Variants in GUF1 observed in about 807,000 individuals in gnomAD.
The protein encoded by GUF1 is translation factor GUF1, mitochondrial.
A neutral mutation model predicts 82.4 loss-of-function variants in GUF1; 78 were observed. The ratio of observed to expected loss-of-function variants is 0.95; its 90% confidence interval spans 0.79 to 1.14. The LOEUF is 1.14. Ranked by LOEUF, GUF1 falls within the 50% of genes most tolerant of loss-of-function variation. The pLI is 0.00. For synonymous variants in GUF1, 279 were observed against 282.3 expected (o/e 0.99, Z 0.12); for missense variants, 814 against 798.2 (o/e 1.02, Z -0.24).
At chr4:44,688,341 G>A (rs1237067374) in intron 9 of GUF1, among the ~76,000 whole-genome samples, 195 bp downstream of exon 9, 1 of 151,880 alleles carries the variant, frequency 6.6e-6, no homozygotes, top group African/African-American at 2.4e-5. Context: ...AGATCATTTA[G>A]GATGTGTTAA....
intron 9 of GUF1, 63 bp downstream of exon 9, chr4:44,688,209 AGTGGTT>A: frequency 6.7e-7 from 1 of 1,502,354 alleles, no homozygotes; most frequent in Non-Finnish European, 9.0e-7. Flanking sequence ...AGTCTGTCTC[AGTGGTT>A]AAGGAAAAAA....
chr4:44,697,425 A>G lies in GUF1; in HGVS notation c.1853A>G (p.Lys618Arg). The G allele has an allele frequency of 6.4e-7, 1 of 1,563,468 alleles. No homozygotes were observed. Among genetic ancestry groups the G allele is most frequent in the South Asian group, 1.1e-5 (1 of 87,006 alleles). The change falls in exon 16 of 17, where the codon AAA becomes AGA. Residue 618 changes from lysine to arginine, a missense_variant. Coordinates refer to ENST00000281543, the MANE Select transcript of GUF1 (RefSeq NM_021927.3). ...IARETVKAYR[K>R]NVLAKCYGGD... is the part of the protein sequence containing the mutation. ...TTTTACAGTGTGAAAGCCTATAGGA[A>G]AAACGTTTTGGCAAAATGTGTATGT...
chr4:44,686,663 A>G lies in GUF1; in HGVS notation c.888A>G (p.Glu296=). ...IVSAHTQKTY[E]VNEVGVLNPN... Reference sequence around the variant, plus strand: ...CTGCACATACTCAAAAGACATACGAAGTTAATGAAGTAGGAGTCTTGAATC... The same window carrying G: ...CTGCACATACTCAAAAGACATACGAGGTTAATGAAGTAGGAGTCTTGAATC... The change falls in exon 8 of 17, where the codon GAA becomes GAG. Residue 296 remains glutamate (E), a synonymous_variant. Coordinates refer to ENST00000281543, the MANE Select transcript of GUF1 (RefSeq NM_021927.3). 1 of 1,611,810 alleles carries G rather than the reference A, an allele frequency of 6.2e-7. No individual in the cohort carries two copies. The highest frequency in any genetic ancestry group is 8.5e-7 in the Non-Finnish European group (1 of 1,178,294).
Position 44,690,834 on chromosome 4 carries a change from A to C in GUF1, c.1453A>C (p.Thr485Pro). The C allele has an allele frequency of 6.3e-7, 1 of 1,594,906 alleles. No homozygotes were observed. Among genetic ancestry groups the C allele is most frequent in the Non-Finnish European group, 8.5e-7 (1 of 1,169,654 alleles). ...CACTATTATCACACCAGATGAATAC[A>C]CTGGAAAAATAATGATGCTTTGCGA... ...LGTIITPDEY[T>P]GKIMMLCEAR... Residue 485 changes from threonine to proline, a missense_variant, in exon 12 of 17, where the codon ACT becomes CCT. Physicochemically the swap from Thr to Pro is conservative, Grantham distance 38 (BLOSUM62 -1). Transcript: ENST00000281543.
At chr4:44,678,870 C>T (rs931011425) in intron 1 of GUF1, 83 bp downstream of exon 1, 2 of 1,352,036 alleles carry the variant, frequency 1.5e-6, no homozygotes, top group Non-Finnish European at 9.9e-7. Context: ...ATAGGGCTTT[C>T]TGGGACTAGC....
chr4:44,682,519 T>C, intron 5 of GUF1, 108 bp downstream of exon 5: 2 of 544,150 alleles, frequency 3.7e-6, no homozygotes, highest in Non-Finnish European at 6.4e-6. Context: ...AGCTATTTAT[T>C]AAATATATTG....
At position 44,682,426 on chromosome 4, in the gene GUF1, A is replaced by T. The variant is rs763946192; in HGVS notation, c.585+15A>T. ...TTATAAATAAGGTAATTACAATGAGACAACAGTGTTGCTATTTCACTTTCT... is the reference window on the plus strand; with the variant it reads ...TTATAAATAAGGTAATTACAATGAGTCAACAGTGTTGCTATTTCACTTTCT... On this transcript the variant is annotated intron_variant, in intron 5 of 16. Coordinates refer to ENST00000281543, the MANE Select transcript of GUF1 (RefSeq NM_021927.3). 1 of 1,399,708 alleles carries T rather than the reference A, an allele frequency of 7.1e-7. No individual in the cohort carries two copies. Among genetic ancestry groups the T allele is most frequent in the South Asian group, 1.4e-5 (1 of 70,244 alleles). 86.7% of individuals were successfully genotyped at this position (1,399,708 alleles called of 1,614,324 possible).
At chr4:44,696,378 T>G (rs1424985922) in intron 15 of GUF1, among the ~76,000 whole-genome samples, 1 of 152,128 alleles carries the variant, frequency 6.6e-6, no homozygotes, top group Non-Finnish European at 1.5e-5. Flanking sequence ...GCAGGAGTAT[T>G]GCTGTGAGAC....
chr4:44,691,551 C>A, intron 12 of GUF1, 115 bp from the exon 13 acceptor site: 1 of 722,564 alleles, frequency 1.4e-6, no homozygotes, highest in South Asian at 1.8e-5. Context: ...TAAAATGTTT[C>A]TCTCTGGATT....
rs1715856664 is a variant in GUF1, at chr4:44,696,836, T to TAA, written c.1836-571_1836-570dup. ...TCATTCTAAAATAAGTGTGTTGAGA[T>TAA]AATACCTTAAAAAATTGGTTTTTCT... On this transcript the variant is annotated intron_variant, in intron 15 of 16. Transcript: ENST00000281543. 7.9e-5 allele frequency among the ~76,000 whole-genome samples: 12 copies of TAA among 152,314 alleles called. No homozygotes were observed. In the South Asian group the frequency reaches 2.3e-3, roughly 29 times the overall value.
chr4:44,682,378 A>G lies in GUF1; in HGVS notation c.552A>G (p.Glu184=). The G allele has an allele frequency of 6.5e-7, 1 of 1,539,678 alleles. No homozygotes were observed. Among genetic ancestry groups the G allele is most frequent in the Middle Eastern group, 1.7e-4 (1 of 5,814 alleles). The change falls in exon 5 of 17, where the codon GAA becomes GAG. Residue 184 remains glutamate (E), a synonymous_variant. Transcript: ENST00000281543. ...QTVANFFLAF[E]AQLSVIPVIN... is the part of the protein sequence containing the mutation. ...TAGCAAACTTCTTTCTTGCCTTCGA[A>G]GCACAGCTATCGGTAATTCCAGTTA...
rs975035525 is a variant in GUF1 at position 44,699,165 on chromosome 4, A to G, written c.*484A>G. The G allele has an allele frequency of 1.3e-5, 2 of 152,278 alleles. No individual in the cohort carries two copies. Among genetic ancestry groups the G allele is most frequent in the African/African-American group, 4.8e-5 (2 of 41,432 alleles). 9.4% of individuals were successfully genotyped at this position (152,278 alleles called of 1,614,324 possible). On this transcript the variant is annotated 3_prime_UTR_variant, in exon 17 of 17. Coordinates refer to ENST00000281543, the MANE Select transcript of GUF1 (RefSeq NM_021927.3). ...AAGTGGTTTGTAACATCGATGAGGAAAAAAAATTGGTTTATGCGTCATTTC... is the reference window on the plus strand; with the variant it reads ...AAGTGGTTTGTAACATCGATGAGGAGAAAAAATTGGTTTATGCGTCATTTC...
At position 44,698,997 on chromosome 4, in the gene GUF1, T is replaced by C. The variant is rs1716039334; in HGVS notation, c.*316T>C. 1 of 209,978 alleles carries C rather than the reference T, an allele frequency of 4.8e-6. No individual in the cohort carries two copies. Among genetic ancestry groups the C allele is most frequent in the East Asian group, 1.2e-4 (1 of 8,044 alleles). The allele number at this position is 209,978 out of a possible 1,614,324, so 13.0% of individuals were successfully genotyped here. On this transcript the variant is annotated 3_prime_UTR_variant, in exon 17 of 17. Coordinates refer to ENST00000281543, the MANE Select transcript of GUF1 (RefSeq NM_021927.3). ...GTGAAGATTAAATGAGGTAATACGT[T>C]AAATATTCAGAGGTGCAAGACACAT...
chr4:44,678,761 AG>A lies in GUF1; in HGVS notation c.141del (p.Arg47SerfsTer38). Reference sequence around the variant, plus strand: ...TGCTCCAGAGTCCTGGGCTACCGACAGGCTCTACAGCTCCGCAGAATTCAAG... The same window carrying A: ...TGCTCCAGAGTCCTGGGCTACCGACAGCTCTACAGCTCCGCAGAATTCAAG... ...GAAPESWATD[R>X]LYSSAEFKEK... On this transcript the variant is annotated frameshift_variant, in exon 1 of 17. Coordinates refer to ENST00000281543, the MANE Select transcript of GUF1 (RefSeq NM_021927.3). LOFTEE classifies it high-confidence loss of function. The A allele has an allele frequency of 6.4e-7, 1 of 1,552,774 alleles. No homozygotes were observed. Among genetic ancestry groups the A allele is most frequent in the South Asian group, 1.2e-5 (1 of 81,788 alleles).
intron 6 of GUF1, 126 bp from the exon 7 acceptor site, chr4:44,685,833 G>A (rs1355687206): frequency 3.4e-6 from 2 of 594,432 alleles, no homozygotes; most frequent in African/African-American, 3.7e-5. Flanking sequence ...TTTCCTTTTG[G>A]TGTATTTCTC....
At position 44,698,833 on chromosome 4, in the gene GUF1, G is replaced by A. The variant is rs1129490; in HGVS notation, c.*152G>A. The A allele has an allele frequency of 7.7e-6, 5 of 645,832 alleles. No homozygotes were observed. The highest frequency in any genetic ancestry group is 1.9e-5 in the African/African-American group (1 of 53,616). 40.0% of individuals were successfully genotyped at this position (645,832 alleles called of 1,614,324 possible). A position where few individuals can be genotyped will look rare whatever the true frequency, so the allele number is the denominator to read the frequency against. On this transcript the variant is annotated 3_prime_UTR_variant, in exon 17 of 17. Transcript: ENST00000281543. The stretch of plus-strand genomic sequence containing the variant: ...GGGAGTAGTTAGTGGGTAGGCAAGA[G>A]CTTAGATTTTGAAGCCATGTTGCCT...
rs746904600 is a variant in GUF1, at chr4:44,686,641, CA to C, written c.867del (p.His290IlefsTer11). On this transcript the variant is annotated frameshift_variant, in exon 8 of 17. Transcript: ENST00000281543. LOFTEE classifies it high-confidence loss of function. ...TCCAAAGGAGATAAAATTGTATCTG[CA>C]CATACTCAAAAGACATACGAAGTTA... ...VVSKGDKIVS[A>X]HTQKTYEVNE... 6.2e-7 allele frequency: 1 copy of C among 1,611,642 alleles called. No homozygotes were observed. Among genetic ancestry groups the C allele is most frequent in the African/African-American group, 1.3e-5 (1 of 74,858 alleles).
chr4:44,698,915 C>T lies in GUF1; in HGVS notation c.*234C>T, dbSNP rs1022018161. The T allele has an allele frequency of 1.0e-5, 4 of 390,776 alleles. No homozygotes were observed. Among genetic ancestry groups the T allele is most frequent in the Non-Finnish European group, 1.8e-5 (4 of 219,066 alleles). 24.2% of individuals were successfully genotyped at this position (390,776 alleles called of 1,614,324 possible). A position where few individuals can be genotyped will look rare whatever the true frequency, so the allele number is the denominator to read the frequency against. Reference sequence around the variant, plus strand: ...GTAAGGTGACCGTGGCCAGATTAACCTTTGTTTCCTCTTCAGTAAAATCGA... The same window carrying T: ...GTAAGGTGACCGTGGCCAGATTAACTTTTGTTTCCTCTTCAGTAAAATCGA... On this transcript the variant is annotated 3_prime_UTR_variant, in exon 17 of 17. Transcript: ENST00000281543.
Position 44,691,758 on chromosome 4 carries a change from T to C in GUF1, c.1572T>C (p.Asp524=). 1 of 1,597,076 alleles carries C rather than the reference T, an allele frequency of 6.3e-7. No individual in the cohort carries two copies. The highest frequency in any genetic ancestry group is 1.1e-5 in the South Asian group (1 of 89,200). The change falls in exon 13 of 17, where the codon GAT becomes GAC. Residue 524 remains aspartate (D), a synonymous_variant. Coordinates refer to ENST00000281543, the MANE Select transcript of GUF1 (RefSeq NM_021927.3). The stretch of plus-strand genomic sequence containing the variant: ...TTCCTTTGAATGAAATTGTGGTAGA[T>C]TTTTATGACTCTTTGAAATCCCTAT... ...YLFPLNEIVV[D]FYDSLKSLSS...
Sources: gnomAD v4.1 joint callset for allele counts (sites outside exome capture counted in the v4.1 genomes callset) on GRCh38, gnomAD v4.1.1 for gene constraint, MANE v1.5 for transcripts, NCBI Gene and HGNC (gene_info 2026-07-23, HGNC 2026-07-21) for gene names.